EYA1: variants seen among roughly 807,000 people sequenced by gnomAD.
EYA1 encodes protein phosphatase EYA1.
Under a neutral mutation model 82.0 loss-of-function variants are expected in EYA1, and 16 were observed. The observed-to-expected ratio is 0.20, with a 90% CI of 0.13 to 0.30. The LOEUF (loss-of-function observed/expected upper bound fraction) is 0.30, where lower values mean the gene tolerates loss of function less well. EYA1 is among the 10% of genes least tolerant of loss of function. The probability of loss-of-function intolerance (pLI) is 1.00; values close to 1 mark genes in which losing one functional copy is unlikely to be tolerated. For missense variants in EYA1, 633 were observed against 730.7 expected (o/e 0.87, Z 1.54); for synonymous variants, 261 against 264.4 (o/e 0.99, Z 0.12).
At chr8:71,492,711 C>T (rs952242689) in intron 2 of EYA1, among the ~76,000 whole-genome samples, 15 of 152,146 alleles carry the variant, frequency 9.9e-5, no homozygotes, top group African/African-American at 3.4e-4. Context: ...GTGATCCACC[C>T]TCCTCGACCT....
At chr8:71,432,614 T>C (rs1805706649) in intron 2 of EYA1, among the ~76,000 whole-genome samples, 1 of 152,190 alleles carries the variant, frequency 6.6e-6, no homozygotes, top group Non-Finnish European at 1.5e-5. Context: ...GTCCTAATCT[T>C]CTCTTTTTAT....
chr8:71,457,863 C>T (rs976358932), intron 2 of EYA1, among the ~76,000 whole-genome samples: 1 of 152,076 alleles, frequency 6.6e-6, no homozygotes, highest in African/African-American at 2.4e-5. Context: ...TGCACATGTA[C>T]CCTAGAACTT....
intron 2 of EYA1, among the ~76,000 whole-genome samples, chr8:71,437,527 G>A (rs1188430247): frequency 6.6e-6 from 1 of 151,786 alleles, no homozygotes; most frequent in Non-Finnish European, 1.5e-5. Context: ...CATGTACACA[G>A]CTTAATATTA....
At chr8:71,213,806 C>T (rs147678706) in intron 16 of EYA1, among the ~76,000 whole-genome samples, 311 of 152,290 alleles carry the variant, frequency 2.0e-3, no homozygotes, top group Admixed American at 9.7e-3. Context: ...CCGCTATTGA[C>T]GCACGTGCCT....
upstream of EYA1, among the ~76,000 whole-genome samples, chr8:71,362,419 G>C (rs767693298): frequency 6.6e-6 from 1 of 151,982 alleles, no homozygotes; most frequent in Non-Finnish European, 1.5e-5. Flanking sequence ...AGATCTTTGG[G>C]GAGTAGTTAC....
rs779384590 is a variant in EYA1, at chr8:71,197,811, G to A, written c.*1529C>T. ...AGACTCATCCTAAGGGTAATTTCAT[G>A]ACAATGGATTGTGTTTGTTAGATGA... is the stretch of plus-strand genomic sequence containing the variant. On this transcript the variant is annotated 3_prime_UTR_variant, in exon 18 of 18. Transcript: ENST00000340726. 2.0e-5 allele frequency: 3 copies of A among 152,600 alleles called. No individual in the cohort carries two copies. The highest frequency in any genetic ancestry group is 4.4e-5 in the Non-Finnish European group (3 of 68,018). The allele number at this position is 152,600 out of a possible 1,614,324, so 9.5% of individuals were successfully genotyped here.
chr8:71,250,449 C>T (rs1444046659), intron 11 of EYA1, among the ~76,000 whole-genome samples: 1 of 152,212 alleles, frequency 6.6e-6, no homozygotes, highest in Admixed American at 6.5e-5. Context: ...GCTGGCTGGG[C>T]TCCACAGTTG....
chr8:71,230,426 T>C (rs1811058449), intron 12 of EYA1, among the ~76,000 whole-genome samples: 1 of 152,162 alleles, frequency 6.6e-6, no homozygotes, highest in Non-Finnish European at 1.5e-5. Context: ...AAGTGGTATT[T>C]CCATTCAACA....
chr8:71,277,115 ATTTTTTTTTTTTTTT>A (rs9298167), intron 9 of EYA1, among the ~76,000 whole-genome samples: 107 of 76,954 alleles, frequency 1.4e-3, no homozygotes, highest in South Asian at 2.5e-3. Flanking sequence ...GGCTTCACAC[ATTTTTTTTTTTTTTT>A]TTTTTTTTTT....
intron 2 of EYA1, among the ~76,000 whole-genome samples, chr8:71,469,373 A>G (rs1008528582): frequency 6.6e-6 from 1 of 151,898 alleles, no homozygotes; most frequent in Non-Finnish European, 1.5e-5. Context: ...GGAGATATAC[A>G]ACTTCTTTAT....
chr8:71,248,247 T>C (rs1177816658), intron 11 of EYA1, among the ~76,000 whole-genome samples: 2 of 152,210 alleles, frequency 1.3e-5, no homozygotes, highest in African/African-American at 2.4e-5. Flanking sequence ...TTTGAAACAT[T>C]TACTACACCA....
At chr8:71,278,517 T>A (rs1262710191) in intron 9 of EYA1, among the ~76,000 whole-genome samples, 1 of 152,258 alleles carries the variant, frequency 6.6e-6, no homozygotes, top group Non-Finnish European at 1.5e-5. Flanking sequence ...TTAATTTGCA[T>A]ATATTAAAGA....
In EYA1 at chr8:71,197,708, GA is replaced by G. The variant is rs1806410787; in HGVS notation, c.*1631del. ...TTTCTAGCAGCAACACACAACTTCA[GA>G]AAAGAATGAAGTAGCTCTTCAACTA... is the stretch of plus-strand genomic sequence containing the variant. On this transcript the variant is annotated 3_prime_UTR_variant, in exon 18 of 18. Coordinates refer to ENST00000340726, the MANE Select transcript of EYA1 (RefSeq NM_000503.6). 1 of 152,636 alleles carries G rather than the reference GA, an allele frequency of 6.6e-6. No individual in the cohort carries two copies. Among genetic ancestry groups the G allele is most frequent in the Non-Finnish European group, 1.5e-5 (1 of 68,032 alleles). The allele number at this position is 152,636 out of a possible 1,614,324, so 9.5% of individuals were successfully genotyped here. A position where few individuals can be genotyped will look rare whatever the true frequency, so the allele number is the denominator to read the frequency against.
chr8:71,530,842 A>G (rs1272140220), intron 2 of EYA1: 2 of 152,348 alleles, frequency 1.3e-5, no homozygotes, highest in South Asian at 2.1e-4. Context: ...CAAATTTATC[A>G]TAACTTAAAG....
intron 2 of EYA1, among the ~76,000 whole-genome samples, chr8:71,525,672 T>G (rs1447587533): frequency 6.6e-6 from 1 of 152,174 alleles, no homozygotes; most frequent in Non-Finnish European, 1.5e-5. Flanking sequence ...GAGTTCCAGT[T>G]AATGATGTTT....
chr8:71,347,047 A>G (rs1445956378), intron 3 of EYA1, among the ~76,000 whole-genome samples: 2 of 152,222 alleles, frequency 1.3e-5, no homozygotes, highest in African/African-American at 2.4e-5. Flanking sequence ...AATGTTGTAT[A>G]TCTTTCATCT....
chr8:71,313,771 C>T (rs1453436078), intron 7 of EYA1, among the ~76,000 whole-genome samples: 2 of 152,146 alleles, frequency 1.3e-5, no homozygotes, highest in Non-Finnish European at 2.9e-5. Context: ...TTCACTGTAC[C>T]TTTACTCCAG....
At chr8:71,272,120 AAGG>A (rs1423822194) in intron 9 of EYA1, among the ~76,000 whole-genome samples, 1 of 152,216 alleles carries the variant, frequency 6.6e-6, no homozygotes, top group African/African-American at 2.4e-5. Flanking sequence ...AATTTAATTG[AAGG>A]TGAGAGGCAA....
chr8:71,314,603 A>G (rs1821705720), intron 7 of EYA1, among the ~76,000 whole-genome samples: 1 of 152,158 alleles, frequency 6.6e-6, no homozygotes, highest in Admixed American at 6.5e-5. Flanking sequence ...GAATGCTCCT[A>G]TAAGCATTTT....
Sources: gnomAD v4.1 joint callset for allele counts (sites outside exome capture counted in the v4.1 genomes callset) on GRCh38, gnomAD v4.1.1 for gene constraint, MANE v1.5 for transcripts, NCBI Gene and HGNC (gene_info 2026-07-23, HGNC 2026-07-21) for gene names.